The following ADGRL3 variants were observed in gnomAD, a reference collection of about 807,000 sequenced individuals.
The protein encoded by ADGRL3 is calcium-independent alpha-latrotoxin receptor 3.
A neutral mutation model predicts 153.5 loss-of-function variants in ADGRL3; 62 were observed. That is an observed-to-expected ratio of 0.40 (90% CI 0.33 to 0.50). ADGRL3 has a LOEUF of 0.50. Among genes scored for constraint, ADGRL3 ranks in the 20% least tolerant of loss-of-function variants. The probability of loss-of-function intolerance (pLI) is 0.47; values close to 1 mark genes in which losing one functional copy is unlikely to be tolerated. For missense variants in ADGRL3, 1,641 were observed against 1,859.4 expected (o/e 0.88, Z 2.16); for synonymous variants, 710 against 672.5 (o/e 1.06, Z -0.86).
At chr4:61,305,737 A>G (rs552058447) in intron 1 of ADGRL3, among the ~76,000 whole-genome samples, 40 of 152,146 alleles carry the variant, frequency 2.6e-4, no homozygotes, top group African/African-American at 8.7e-4. Context: ...TTTGGTGGCC[A>G]TGGAATGGAG....
At chr4:61,396,082 G>A (rs2096865044) in intron 2 of ADGRL3, among the ~76,000 whole-genome samples, 1 of 151,860 alleles carries the variant, frequency 6.6e-6, no homozygotes, top group Admixed American at 6.6e-5. Context: ...GCCTGTTTTA[G>A]CTAAGGAGGG....
chr4:62,024,439 G>A (rs575220849), intron 21 of ADGRL3, among the ~76,000 whole-genome samples: 2 of 151,992 alleles, frequency 1.3e-5, no homozygotes, highest in East Asian at 3.9e-4. Flanking sequence ...CAAAACATAG[G>A]AATATAGCTT....
intron 3 of ADGRL3, among the ~76,000 whole-genome samples, chr4:61,514,434 G>A (rs1384167726): frequency 2.0e-5 from 3 of 152,178 alleles, no homozygotes; most frequent in African/African-American, 7.2e-5. Context: ...GCTTCAGGAA[G>A]ACAAATTGGA....
Position 61,482,648 on chromosome 4 carries a change from G to T in ADGRL3, c.-173-14473G>T, listed in dbSNP as rs568845869. ...TTACCCAAGATAGAAAAGGCTTTTTGCAGGGATCAAAGTGGTGGTATCTTT... is the reference window on the plus strand; with the variant it reads ...TTACCCAAGATAGAAAAGGCTTTTTTCAGGGATCAAAGTGGTGGTATCTTT... On this transcript the variant is annotated intron_variant, in intron 2 of 26. Coordinates refer to ENST00000683033, the MANE Select transcript of ADGRL3 (RefSeq NM_001387552.1). 3.6e-4 allele frequency among the ~76,000 whole-genome samples: 55 copies of T among 152,184 alleles called. No individual in the cohort carries two copies. In the South Asian group the frequency reaches 0.011, roughly 32 times the overall value.
chr4:61,561,725 C>T (rs1245647990), intron 4 of ADGRL3, among the ~76,000 whole-genome samples: 2 of 151,930 alleles, frequency 1.3e-5, no homozygotes, highest in Non-Finnish European at 2.9e-5. Context: ...AATTTATAAC[C>T]TATAAATCTC....
intron 1 of ADGRL3, among the ~76,000 whole-genome samples, chr4:61,338,522 C>T (rs1413144539): frequency 6.6e-6 from 1 of 151,942 alleles, no homozygotes; most frequent in Non-Finnish European, 1.5e-5. Context: ...GGCTCAGAGA[C>T]CATAGTTTGA....
intron 4 of ADGRL3, among the ~76,000 whole-genome samples, chr4:61,533,581 CCTTT>C (rs1216819535): frequency 1.3e-5 from 2 of 152,136 alleles, no homozygotes; most frequent in Non-Finnish European, 1.5e-5. Flanking sequence ...TTCAGAGATC[CCTTT>C]CTTTGTTCTC....
rs1746418049 is a variant in ADGRL3 at position 62,074,028 on chromosome 4, G to C, written c.*3120G>C. 6.6e-6 allele frequency: 1 copy of C among 151,994 alleles called. No individual in the cohort carries two copies. The highest frequency in any genetic ancestry group is 1.5e-5 in the Non-Finnish European group (1 of 67,978). 9.4% of individuals were successfully genotyped at this position (151,994 alleles called of 1,614,324 possible). On this transcript the variant is annotated 3_prime_UTR_variant, in exon 27 of 27. Transcript: ENST00000683033. ...TAGCAAGGGTTGAATTCCTGAACTT[G>C]AATCTTTTTCTTCATATACATTTTC... is the stretch of plus-strand genomic sequence containing the variant.
rs567865238 is a variant in ADGRL3 at position 61,488,311 on chromosome 4, A to G, written c.-173-8810A>G. Among the ~76,000 whole-genome samples, 5 of 152,146 alleles carry G rather than the reference A, an allele frequency of 3.3e-5. No individual in the cohort carries two copies. In the South Asian group the frequency reaches 1.0e-3, roughly 32 times the overall value. On this transcript the variant is annotated intron_variant, in intron 2 of 26. Coordinates refer to ENST00000683033, the MANE Select transcript of ADGRL3 (RefSeq NM_001387552.1). ...GTATTTAAAATATAATTATAAGGGG[A>G]AGTGCCTTTTTTACTTCAGTGATAA...
chr4:61,917,849 G>T (rs1247989403), intron 13 of ADGRL3, among the ~76,000 whole-genome samples: 1 of 152,154 alleles, frequency 6.6e-6, no homozygotes, highest in Non-Finnish European at 1.5e-5. Flanking sequence ...GATGAAGGAG[G>T]CTAGTGCAAC....
At chr4:62,052,743 G>A (rs1295449136) in intron 25 of ADGRL3, among the ~76,000 whole-genome samples, 2 of 151,204 alleles carry the variant, frequency 1.3e-5, no homozygotes, top group African/African-American at 4.8e-5. Flanking sequence ...AGAAAAACAG[G>A]TAAAGAGCTT....
intron 8 of ADGRL3, chr4:61,775,570 T>C: frequency 1.1e-6 from 1 of 895,450 alleles, no homozygotes; most frequent in Admixed American, 1.7e-5. Flanking sequence ...TCTGTCAGTT[T>C]TACAGAGGCC....
intron 21 of ADGRL3, among the ~76,000 whole-genome samples, chr4:62,025,918 G>C (rs534542721): frequency 6.6e-6 from 1 of 152,120 alleles, no homozygotes; most frequent in Admixed American, 6.6e-5. Flanking sequence ...CTGTGGATCT[G>C]CTTTTTCAAA....
At chr4:61,983,913 AAG>A (rs1323837617) in intron 19 of ADGRL3, among the ~76,000 whole-genome samples, 6 of 152,312 alleles carry the variant, frequency 3.9e-5, no homozygotes, top group African/African-American at 1.4e-4. Flanking sequence ...TAGCTGTATG[AAG>A]AGCTATTTGC....
intron 8 of ADGRL3, among the ~76,000 whole-genome samples, chr4:61,737,254 TC>T (rs1409368726): frequency 6.6e-6 from 1 of 152,190 alleles, no homozygotes; most frequent in Non-Finnish European, 1.5e-5. Context: ...GCAGGCTGAG[TC>T]TTTTTGCCAT....
chr4:61,542,392 T>G (rs1450636975), intron 4 of ADGRL3, among the ~76,000 whole-genome samples: 2 of 152,218 alleles, frequency 1.3e-5, no homozygotes, highest in African/African-American at 4.8e-5. Context: ...CCCCTACGTC[T>G]AAACATTTTC....
chr4:61,897,681 T>C (rs2098639491), intron 11 of ADGRL3, among the ~76,000 whole-genome samples: 2 of 152,170 alleles, frequency 1.3e-5, no homozygotes, highest in South Asian at 4.1e-4. Context: ...CAAGAATCTG[T>C]TGTAGTGTTC....
chr4:61,948,480 C>G (rs2098934415), intron 17 of ADGRL3, among the ~76,000 whole-genome samples: 2 of 152,068 alleles, frequency 1.3e-5, no homozygotes, highest in Non-Finnish European at 2.9e-5. Context: ...CAAAATAGTT[C>G]ATAAAATTGA....
chr4:61,493,963 A>G (rs1386009594), intron 2 of ADGRL3, among the ~76,000 whole-genome samples: 1 of 152,166 alleles, frequency 6.6e-6, no homozygotes, highest in Non-Finnish European at 1.5e-5. Flanking sequence ...ATATATTTAT[A>G]TGGATAATTA....
Sources: gnomAD v4.1 joint callset for allele counts (sites outside exome capture counted in the v4.1 genomes callset) on GRCh38, gnomAD v4.1.1 for gene constraint, MANE v1.5 for transcripts, NCBI Gene and HGNC (gene_info 2026-07-23, HGNC 2026-07-21) for gene names.